Variants in GPBP1 observed in about 807,000 individuals in gnomAD.
GPBP1 encodes the protein vasculin.
In GPBP1, 13 loss-of-function variants were observed where a neutral mutation model predicts 56.5. The ratio of observed to expected loss-of-function variants is 0.23; its 90% CI spans 0.15 to 0.37. The LOEUF (loss-of-function observed/expected upper bound fraction) is 0.37, where lower values mean the gene tolerates loss of function less well. GPBP1 is among the 10% of genes least tolerant of loss of function. The pLI, the probability that GPBP1 is intolerant of heterozygous loss-of-function variation, is 1.00. For missense variants in GPBP1, 477 were observed against 572.3 expected (o/e 0.83, Z 1.70); for synonymous variants, 204 against 188.9 (o/e 1.08, Z -0.66).
intron 2 of GPBP1, among the ~76,000 whole-genome samples, chr5:57,210,423 T>G (rs572312430): frequency 5.9e-5 from 9 of 152,188 alleles, no homozygotes; most frequent in Non-Finnish European, 1.3e-4. Flanking sequence ...CCAGTAGATT[T>G]CTTAAAAAAA....
At chr5:57,174,840 G>A (rs944434677) in intron 1 of GPBP1, among the ~76,000 whole-genome samples, 2 of 152,224 alleles carry the variant, frequency 1.3e-5, no homozygotes, top group Non-Finnish European at 2.9e-5. Context: ...ATTCGAGGAA[G>A]TGGAAACCTA....
At chr5:57,226,657 T>C (rs1406050094) in intron 3 of GPBP1, among the ~76,000 whole-genome samples, 1 of 148,124 alleles carries the variant, frequency 6.8e-6, no homozygotes, top group Non-Finnish European at 1.5e-5. Flanking sequence ...CCTGCTGGGT[T>C]CAGGCAGTTC....
intron 6 of GPBP1, chr5:57,245,745 T>G (rs1168998707): frequency 6.6e-6 from 1 of 152,240 alleles, no homozygotes; most frequent in Non-Finnish European, 1.5e-5. Flanking sequence ...TATAATGCTT[T>G]GAATGTAGAT....
intron 10 of GPBP1, among the ~76,000 whole-genome samples, chr5:57,255,125 A>T (rs1164687497): frequency 6.6e-6 from 1 of 152,190 alleles, no homozygotes; most frequent in East Asian, 1.9e-4. Context: ...ACTATTCTAT[A>T]GTATGGATAT....
chr5:57,183,266 C>G (rs1200545229), intron 2 of GPBP1, among the ~76,000 whole-genome samples: 4 of 152,156 alleles, frequency 2.6e-5, no homozygotes, highest in Non-Finnish European at 5.9e-5. Flanking sequence ...ACTTGAGAGG[C>G]TGAGGCAGGA....
chr5:57,256,992 CATATT>C (rs1241691819), intron 10 of GPBP1, among the ~76,000 whole-genome samples: 1 of 151,708 alleles, frequency 6.6e-6, no homozygotes, highest in African/African-American at 2.4e-5. Context: ...TATAAATACT[CATATT>C]AGTTGAATTC....
At chr5:57,228,810 A>G (rs998559637) in intron 3 of GPBP1, among the ~76,000 whole-genome samples, 8 of 152,080 alleles carry the variant, frequency 5.3e-5, no homozygotes, top group Non-Finnish European at 1.2e-4. Context: ...AGACTGAAAA[A>G]AAAAAACTAA....
rs913686663 is a variant in GPBP1 at position 57,225,503 on chromosome 5, A to C, written c.64-5343A>C. 6.6e-5 allele frequency among the ~76,000 whole-genome samples: 9 copies of C among 137,316 alleles called. 1 individual carries two copies. The highest frequency in any genetic ancestry group is 1.4e-4 in the African/African-American group (5 of 36,130). 90.1% of individuals were successfully genotyped at this position (137,316 alleles called of 152,430 possible). On this transcript the variant is annotated intron_variant, in intron 3 of 11. Transcript: ENST00000506184. ...CAAGATTCCTTCTCAAAAAAAAAAAAAAAAAAAACAAACTGGTATTATTTG... is the reference window on the plus strand; with the variant it reads ...CAAGATTCCTTCTCAAAAAAAAAAACAAAAAAAACAAACTGGTATTATTTG...
rs1039017029 is a variant in GPBP1 at position 57,200,767 on chromosome 5, C to T, written c.-57-13307C>T. 1.1e-4 allele frequency among the ~76,000 whole-genome samples: 16 copies of T among 152,238 alleles called. No individual in the cohort carries two copies. The East Asian group carries it at 2.3e-3, about 22-fold the overall frequency. Reference sequence around the variant, plus strand: ...CATGATCTCCGCTCACTGCAAGCTTCGCCTCCCGGGTTCACGCCATTCTCC... The same window carrying T: ...CATGATCTCCGCTCACTGCAAGCTTTGCCTCCCGGGTTCACGCCATTCTCC... On this transcript the variant is annotated intron_variant, in intron 2 of 11. Coordinates refer to ENST00000506184, the MANE Select transcript of GPBP1 (RefSeq NM_022913.4).
chr5:57,243,298 C>T (rs925918888), intron 6 of GPBP1, among the ~76,000 whole-genome samples: 24 of 152,110 alleles, frequency 1.6e-4, no homozygotes, highest in African/African-American at 4.6e-4. Context: ...AACTCCTGAC[C>T]TCGTGATCCA....
At chr5:57,239,378 GA>G (rs1404527442) in intron 6 of GPBP1, among the ~76,000 whole-genome samples, 2 of 152,182 alleles carry the variant, frequency 1.3e-5, no homozygotes, top group Admixed American at 6.5e-5. Context: ...GTTAAAGGGG[GA>G]AAGTACCATA....
intron 3 of GPBP1, among the ~76,000 whole-genome samples, chr5:57,225,633 G>A (rs1043407883): frequency 1.3e-5 from 2 of 152,128 alleles, no homozygotes; most frequent in Non-Finnish European, 2.9e-5. Flanking sequence ...TGTGGAGGGA[G>A]AGCAGACAAC....
chr5:57,191,635 C>T (rs1188600903), intron 2 of GPBP1, among the ~76,000 whole-genome samples: 1 of 151,264 alleles, frequency 6.6e-6, no homozygotes, highest in Non-Finnish European at 1.5e-5. Context: ...GATCTCAGCT[C>T]ACTGCAACCT....
intron 11 of GPBP1, 51 bp from the exon 12 acceptor site, chr5:57,262,542 AG>A: frequency 1.5e-6 from 2 of 1,298,510 alleles, no homozygotes; most frequent in East Asian, 4.6e-5. Context: ...TTATTACAGT[AG>A]GTTTGTAACT....
At chr5:57,230,457 G>C (rs1756401341) in intron 3 of GPBP1, among the ~76,000 whole-genome samples, 1 of 152,176 alleles carries the variant, frequency 6.6e-6, no homozygotes, top group South Asian at 2.1e-4. Context: ...TAGAACTGAA[G>C]ATTCATTTGA....
In GPBP1 at chr5:57,230,963, A is replaced by C; in HGVS notation, c.181A>C (p.Asn61His). The C allele has an allele frequency of 6.3e-7, 1 of 1,599,418 alleles. No individual in the cohort carries two copies. The highest frequency in any genetic ancestry group is 1.1e-5 in the South Asian group (1 of 87,446). ...CTTTGATTCTGCTATTGGGCGTCCT[A>C]ATGGAGGTAAAATTTGCTAAGGAAT... Reference protein sequence around the residue: ...DGFDSAIGRPNGGNFGRKEKN... With the variant: ...DGFDSAIGRPHGGNFGRKEKN... Residue 61 changes from asparagine to histidine, a missense_variant, in exon 4 of 12, where the codon AAT becomes CAT. This residue lies in a region of GPBP1 where 414 missense variants were observed against 458.2 expected (regional missense o/e 0.90). Coordinates refer to ENST00000506184, the MANE Select transcript of GPBP1 (RefSeq NM_022913.4).
chr5:57,181,722 C>T (rs998768025), intron 2 of GPBP1, among the ~76,000 whole-genome samples: 6 of 152,014 alleles, frequency 3.9e-5, no homozygotes, highest in Admixed American at 2.0e-4. Context: ...CATGCCAGGC[C>T]GAGACAGTGG....
Position 57,205,582 on chromosome 5 carries a change from C to CTT in GPBP1, c.-57-8479_-57-8478dup, listed in dbSNP as rs56406653. Reference sequence around the variant, plus strand: ...ACATCTTTGCTAACATTTATTTCCTCTTTTTTTTTTTTTTCATATTTTGAT... The same window carrying CTT: ...ACATCTTTGCTAACATTTATTTCCTCTTTTTTTTTTTTTTTTCATATTTTGAT... On this transcript the variant is annotated intron_variant, in intron 2 of 11. Transcript: ENST00000506184. Among the ~76,000 whole-genome samples, 1,223 of 138,186 alleles carry CTT rather than the reference C, an allele frequency of 8.9e-3. 16 individuals carry two copies. The highest frequency in any genetic ancestry group is 0.023 in the African/African-American group (889 of 38,002). 90.7% of individuals were successfully genotyped at this position (138,186 alleles called of 152,430 possible).
chr5:57,236,923 T>A, intron 6 of GPBP1: 1 of 559,018 alleles, frequency 1.8e-6, no homozygotes, highest in East Asian at 2.8e-5. Context: ...TTTTAAACTT[T>A]GCCACTTCCT....
Sources: gnomAD v4.1 joint callset for allele counts (sites outside exome capture counted in the v4.1 genomes callset) on GRCh38, gnomAD v4.1.1 for gene constraint, gnomAD v4.1.1 regional missense constraint, MANE v1.5 for transcripts, NCBI Gene and HGNC (gene_info 2026-07-23, HGNC 2026-07-21) for gene names.